The following RNF220 variants were observed in gnomAD, a reference collection of about 807,000 sequenced individuals.
RNF220 encodes the protein ring finger protein 220.
In RNF220, 7 loss-of-function variants were observed where a neutral mutation model predicts 67.1. The observed-to-expected ratio is 0.10, with a 90% confidence interval of 0.06 to 0.20. RNF220 has a LOEUF of 0.20. RNF220 is among the 10% of genes least tolerant of loss of function. RNF220 has a pLI of 1.00. For missense variants in RNF220, 565 were observed against 740.3 expected, an observed-to-expected ratio of 0.76 and a Z score of 2.75; for synonymous variants, 270 against 283.2, an observed-to-expected ratio of 0.95 and a Z score of 0.47.
At chr1:44,457,689 G>A (rs760040525) in intron 2 of RNF220, among the ~76,000 whole-genome samples, 134 of 152,234 alleles carry the variant, frequency 8.8e-4, no homozygotes, top group Non-Finnish European at 1.4e-3. Context: ...GCTGTTCCAT[G>A]TCTGAAATTT....
At chr1:44,434,935 G>C (rs149889641) in intron 2 of RNF220, among the ~76,000 whole-genome samples, 41 of 151,804 alleles carry the variant, frequency 2.7e-4, no homozygotes, top group African/African-American at 9.7e-4. Context: ...GCTGAGTGGG[G>C]AGGATCGCTT....
chr1:44,494,026 G>A (rs1043217088), intron 2 of RNF220, among the ~76,000 whole-genome samples: 2 of 151,998 alleles, frequency 1.3e-5, no homozygotes, highest in African/African-American at 2.4e-5. Flanking sequence ...GACCAATATC[G>A]TGAAACCCCA....
intron 2 of RNF220, among the ~76,000 whole-genome samples, chr1:44,491,951 A>G (rs1214085527): frequency 1.3e-5 from 2 of 152,206 alleles, no homozygotes; most frequent in Non-Finnish European, 2.9e-5. Flanking sequence ...GGTGTGAGCC[A>G]CTGTGCCTGG....
chr1:44,529,883 T>G (rs1660696975), intron 2 of RNF220, among the ~76,000 whole-genome samples: 1 of 148,112 alleles, frequency 6.8e-6, no homozygotes, highest in Admixed American at 6.7e-5. Flanking sequence ...AAACCCCATC[T>G]CTACTAAAAA....
In RNF220 at chr1:44,453,381, C is replaced by T. The variant is rs373232672; in HGVS notation, c.625+40659C>T. On this transcript the variant is annotated intron_variant, in intron 2 of 14. Transcript: ENST00000361799. Reference sequence around the variant, plus strand: ...GAAAGCTGCCATATTTATCTTGTTCCTGACTTCAATAGGTATGGTGAATAT... The same window carrying T: ...GAAAGCTGCCATATTTATCTTGTTCTTGACTTCAATAGGTATGGTGAATAT... Among the ~76,000 whole-genome samples, 148 of 152,154 alleles carry T rather than the reference C, an allele frequency of 9.7e-4. 1 individual carries two copies. In the South Asian group the frequency reaches 0.018, roughly 19 times the overall value.
At chr1:44,458,951 T>A (rs1653474997) in intron 2 of RNF220, among the ~76,000 whole-genome samples, 1 of 152,192 alleles carries the variant, frequency 6.6e-6, no homozygotes. Flanking sequence ...TAAGAGAGCA[T>A]CCACTCTTGG....
intron 2 of RNF220, among the ~76,000 whole-genome samples, chr1:44,445,559 C>A (rs1651991608): frequency 1.3e-5 from 2 of 152,008 alleles, no homozygotes; most frequent in African/African-American, 4.8e-5. Flanking sequence ...ATGCTTGTTG[C>A]TCCTTAAACA....
chr1:44,556,838 C>A (rs1663132390), intron 2 of RNF220, among the ~76,000 whole-genome samples: 1 of 152,098 alleles, frequency 6.6e-6, no homozygotes, highest in African/African-American at 2.4e-5. Context: ...GGATTACAGG[C>A]GTAAGCCACC....
At chr1:44,456,383 C>G (rs1027728351) in intron 2 of RNF220, among the ~76,000 whole-genome samples, 1 of 152,146 alleles carries the variant, frequency 6.6e-6, no homozygotes, top group African/African-American at 2.4e-5. Context: ...TAGTCCTTCC[C>G]TCACAAGAAA....
intron 2 of RNF220, among the ~76,000 whole-genome samples, chr1:44,467,519 CTT>C (rs1654389466): frequency 6.6e-6 from 1 of 152,162 alleles, no homozygotes; most frequent in South Asian, 2.1e-4. Context: ...CTGCTTCAGA[CTT>C]TTCTTCTGCA....
chr1:44,627,264 G>T (rs1379925298), intron 5 of RNF220, among the ~76,000 whole-genome samples: 1 of 137,170 alleles, frequency 7.3e-6, no homozygotes, highest in African/African-American at 2.7e-5. Context: ...AGAATCACTT[G>T]AACCCGGGAG....
chr1:44,543,403 G>A (rs1270371076), intron 2 of RNF220, among the ~76,000 whole-genome samples: 2 of 152,160 alleles, frequency 1.3e-5, no homozygotes, highest in Non-Finnish European at 2.9e-5. Context: ...GCCTTCTATT[G>A]TCCAAGTGGC....
chr1:44,518,581 T>TA (rs1659645202), intron 2 of RNF220, among the ~76,000 whole-genome samples: 1 of 151,836 alleles, frequency 6.6e-6, no homozygotes, highest in South Asian at 2.1e-4. Context: ...AGAAAGCCTT[T>TA]AAAAACAATC....
Position 44,606,007 on chromosome 1 carries a change from C to G in RNF220, c.626-8158C>G, listed in dbSNP as rs896046075. Among the ~76,000 whole-genome samples, 3 of 152,192 alleles carry G rather than the reference C, an allele frequency of 2.0e-5. No homozygotes were observed. The highest frequency in any genetic ancestry group is 4.4e-5 in the Non-Finnish European group (3 of 68,022). On this transcript the variant is annotated intron_variant, in intron 2 of 14. Coordinates refer to ENST00000361799, the MANE Select transcript of RNF220 (RefSeq NM_018150.4). This position sits in a 1 kb window ranked among gnomAD's most constrained non-coding sequence, Gnocchi z 4.2. ...AGCTAAATACATATCTCTCCCCTGCCCGCCCTACCCCTACCTCCTCAACCA... is the reference window on the plus strand; with the variant it reads ...AGCTAAATACATATCTCTCCCCTGCGCGCCCTACCCCTACCTCCTCAACCA...
At chr1:44,531,889 A>G (rs976242749) in intron 2 of RNF220, among the ~76,000 whole-genome samples, 4 of 152,062 alleles carry the variant, frequency 2.6e-5, no homozygotes, top group Admixed American at 6.6e-5. Context: ...ACTTTCACCA[A>G]CTGTTCTTGG....
At chr1:44,587,148 T>TC (rs1332423019) in intron 2 of RNF220, among the ~76,000 whole-genome samples, 34 of 145,826 alleles carry the variant, frequency 2.3e-4, no homozygotes, top group African/African-American at 8.6e-4. Context: ...CTTCTTCCTT[T>TC]TTTTTTTTTT....
At position 44,417,760 on chromosome 1, in the gene RNF220, G is replaced by A. The variant is rs1648714736; in HGVS notation, c.625+5038G>A. On this transcript the variant is annotated intron_variant, in intron 2 of 14. Coordinates refer to ENST00000361799, the MANE Select transcript of RNF220 (RefSeq NM_018150.4). This position sits in a 1 kb window ranked among gnomAD's most constrained non-coding sequence, Gnocchi z 4.0. ...TGGTAATTGATCTTCTGGGGGAGGG[G>A]GCGCGGAGAGGCGCGAGAACTGGCC... is the stretch of plus-strand genomic sequence containing the variant. Among the ~76,000 whole-genome samples the A allele has an allele frequency of 6.6e-6, 1 of 152,184 alleles. No homozygotes were observed. Among genetic ancestry groups the A allele is most frequent in the African/African-American group, 2.4e-5 (1 of 41,446 alleles).
chr1:44,476,971 T>G (rs1396430905), intron 2 of RNF220, among the ~76,000 whole-genome samples: 2 of 152,212 alleles, frequency 1.3e-5, no homozygotes, highest in Non-Finnish European at 2.9e-5. Context: ...TTATGTGTTT[T>G]GGCCAAATTG....
chr1:44,446,802 C>G (rs1168995613), intron 2 of RNF220, among the ~76,000 whole-genome samples: 1 of 152,162 alleles, frequency 6.6e-6, no homozygotes, highest in South Asian at 2.1e-4. Context: ...CGTGATCTGC[C>G]CACCTCGGCC....
Sources: allele counts gnomAD v4.1 joint callset (sites outside exome capture counted in the v4.1 genomes callset), GRCh38; gene constraint gnomAD v4.1.1; non-coding constraint Gnocchi (gnomAD v3.1); transcripts MANE v1.5; gene names NCBI Gene and HGNC (gene_info 2026-07-23, HGNC 2026-07-21).